The following NTF3 variants were observed in gnomAD, a reference collection of about 807,000 sequenced individuals.
NTF3 encodes neurotrophin-3.
Under a neutral mutation model 26.3 loss-of-function variants are expected in NTF3, and 8 were observed. The observed-to-expected ratio is 0.30, with a 90% CI of 0.18 to 0.55. NTF3 has a LOEUF of 0.55. NTF3 is among the 20% of genes least tolerant of loss of function. The pLI is 0.93. For missense variants in NTF3, 276 were observed against 352.9 expected (o/e 0.78, Z 1.75); for synonymous variants, 154 against 145.5 (o/e 1.06, Z -0.42).
chr12:5,454,045 G>A (rs1332530714), intron 1 of NTF3, among the ~76,000 whole-genome samples: 2 of 152,142 alleles, frequency 1.3e-5, no homozygotes, highest in Non-Finnish European at 2.9e-5. Context: ...GAGTCTCCTG[G>A]GGCTGCCGTA....
At chr12:5,448,535 A>G (rs943107470) in intron 1 of NTF3, among the ~76,000 whole-genome samples, 1 of 152,230 alleles carries the variant, frequency 6.6e-6, no homozygotes, top group Non-Finnish European at 1.5e-5. Flanking sequence ...CTTCTAGCCA[A>G]TGAAAGTCCC....
chr12:5,475,898 GAGAA>G (rs144208778), intron 1 of NTF3, among the ~76,000 whole-genome samples: 1,795 of 139,154 alleles, frequency 0.013, 25 homozygotes, highest in African/African-American at 0.034. Flanking sequence ...GAAAGAAAAA[GAGAA>G]AGAAAGAAAG....
intron 1 of NTF3, among the ~76,000 whole-genome samples, chr12:5,467,538 A>T (rs531226300): frequency 6.6e-6 from 1 of 152,282 alleles, no homozygotes; most frequent in South Asian, 2.1e-4. Flanking sequence ...TCGTTGATTG[A>T]TTAAGGGTTA....
At chr12:5,470,963 C>T (rs1417981812) in intron 1 of NTF3, among the ~76,000 whole-genome samples, 1 of 151,350 alleles carries the variant, frequency 6.6e-6, no homozygotes, top group Non-Finnish European at 1.5e-5. Flanking sequence ...TTGTCAACAC[C>T]TGCTTTGAGC....
Position 5,456,619 on chromosome 12 carries a change from A to C in NTF3, c.18+24277A>C, listed in dbSNP as rs983473580. On this transcript the variant is annotated intron_variant, in intron 1 of 1. Transcript: ENST00000423158. The surrounding 1 kb of genome is among the most constrained non-coding windows in gnomAD (Gnocchi z 4.4). ...GGGGTCCTCTTCCACCCCCACCCCCACCCCCAGCCCCTGGAGCAGGTACTC... is the reference window on the plus strand; with the variant it reads ...GGGGTCCTCTTCCACCCCCACCCCCCCCCCCAGCCCCTGGAGCAGGTACTC... Among the ~76,000 whole-genome samples the C allele has an allele frequency of 6.7e-6, 1 of 150,068 alleles. No homozygotes were observed. The highest frequency in any genetic ancestry group is 1.5e-5 in the Non-Finnish European group (1 of 67,470).
chr12:5,470,457 C>T (rs1467025185), intron 1 of NTF3, among the ~76,000 whole-genome samples: 2 of 152,200 alleles, frequency 1.3e-5, no homozygotes, highest in Non-Finnish European at 2.9e-5. Context: ...AATCCTGTGT[C>T]GCAGTCTAAA....
rs1299672517 is a variant in NTF3 at position 5,493,723 on chromosome 12, G to A, written c.19-471G>A. On this transcript the variant is annotated intron_variant, in intron 1 of 1. Coordinates refer to ENST00000423158, the MANE Select transcript of NTF3 (RefSeq NM_001102654.2). ...CAGTCCTCAGCCTCAGTGTGTTCCA[G>A]GGGCTGCAGCTGGGGAGCAGTCGAA... Among the ~76,000 whole-genome samples, 3 of 152,164 alleles carry A rather than the reference G, an allele frequency of 2.0e-5. No individual in the cohort carries two copies. In the East Asian group the frequency reaches 5.8e-4, roughly 29 times the overall value.
At chr12:5,458,463 C>T (rs544522976) in intron 1 of NTF3, among the ~76,000 whole-genome samples, 1 of 152,200 alleles carries the variant, frequency 6.6e-6, no homozygotes, top group Admixed American at 6.5e-5. Context: ...AGGAACAATT[C>T]CCACTTGTTC....
chr12:5,494,116 A>G lies in NTF3; in HGVS notation c.19-78A>G. 1 of 1,430,674 alleles carries G rather than the reference A, an allele frequency of 7.0e-7. No homozygotes were observed. Among genetic ancestry groups the G allele is most frequent in the South Asian group, 1.3e-5 (1 of 79,502 alleles). 88.6% of individuals were successfully genotyped at this position (1,430,674 alleles called of 1,614,324 possible). ...CTCTCGTGCCCTCACAGGGCTACTCAGCCTCAGGTAGCTGGTGCCAGAATA... is the reference window on the plus strand; with the variant it reads ...CTCTCGTGCCCTCACAGGGCTACTCGGCCTCAGGTAGCTGGTGCCAGAATA... On this transcript the variant is annotated intron_variant, in intron 1 of 1. Transcript: ENST00000423158. This position sits in a 1 kb window ranked among gnomAD's most constrained non-coding sequence, Gnocchi z 8.3.
intron 1 of NTF3, among the ~76,000 whole-genome samples, chr12:5,485,165 G>A (rs548256920): frequency 2.6e-5 from 4 of 152,328 alleles, no homozygotes; most frequent in South Asian, 2.1e-4. Flanking sequence ...TCACCTAGAT[G>A]TGTTCTTCAG....
intron 1 of NTF3, among the ~76,000 whole-genome samples, chr12:5,480,961 T>C (rs901101457): frequency 9.2e-5 from 14 of 151,952 alleles, no homozygotes; most frequent in African/African-American, 3.1e-4. Flanking sequence ...TGTCCTCACA[T>C]GTTTCCAGTT....
chr12:5,462,104 C>T (rs901377372), intron 1 of NTF3, among the ~76,000 whole-genome samples: 1 of 152,208 alleles, frequency 6.6e-6, no homozygotes, highest in African/African-American at 2.4e-5. Context: ...ATTCTCACAT[C>T]TTTTCCTACA....
chr12:5,435,077 A>T (rs1940150551), intron 1 of NTF3, among the ~76,000 whole-genome samples: 1 of 152,152 alleles, frequency 6.6e-6, no homozygotes, highest in African/African-American at 2.4e-5. Context: ...ATGTACATTT[A>T]AGGGGAAAAG....
chr12:5,494,984 C>T lies in NTF3; in HGVS notation c.809C>T (p.Thr270Ile). The T allele has an allele frequency of 6.2e-7, 1 of 1,613,384 alleles. No individual in the cohort carries two copies. Residue 270 changes from threonine (T) to isoleucine (I), a missense_variant, in exon 2 of 2, where the codon ACA becomes ATA. Thr to Ile is a moderately conservative substitution (Grantham distance 89). Coordinates refer to ENST00000423158, the MANE Select transcript of NTF3 (RefSeq NM_001102654.2). This position sits in a 1 kb window ranked among gnomAD's most constrained non-coding sequence, Gnocchi z 8.3. ...GCCTTGTCGAGAAAAATCGGAAGAA[C>T]ATGAATTGGCATCTCTCCCCATATA... ...VCALSRKIGRT is the reference protein window; with the variant it reads ...VCALSRKIGRI
At chr12:5,436,553 A>G (rs987853374) in intron 1 of NTF3, among the ~76,000 whole-genome samples, 2 of 152,080 alleles carry the variant, frequency 1.3e-5, no homozygotes, top group Admixed American at 6.5e-5. Context: ...AGGAAAGTTC[A>G]CTCCTCTTTT....
chr12:5,480,829 G>A (rs1940783264), intron 1 of NTF3, among the ~76,000 whole-genome samples: 1 of 151,560 alleles, frequency 6.6e-6, no homozygotes, highest in Admixed American at 6.6e-5. Context: ...GGGGGAGGGG[G>A]AAGCCTTCAG....
intron 1 of NTF3, among the ~76,000 whole-genome samples, chr12:5,470,218 T>C (rs1940647752): frequency 6.6e-6 from 1 of 152,118 alleles, no homozygotes; most frequent in Non-Finnish European, 1.5e-5. Flanking sequence ...GCCACTGCGC[T>C]CGGCCTCCTG....
intron 1 of NTF3, among the ~76,000 whole-genome samples, chr12:5,462,078 C>G (rs1340425731): frequency 6.6e-6 from 1 of 152,188 alleles, no homozygotes; most frequent in African/African-American, 2.4e-5. Flanking sequence ...CAAATAAATA[C>G]AGCAACTGTG....
At chr12:5,462,605 A>G (rs1419269176) in intron 1 of NTF3, among the ~76,000 whole-genome samples, 9 of 152,340 alleles carry the variant, frequency 5.9e-5, no homozygotes, top group Admixed American at 5.9e-4. Context: ...CAGATATGGA[A>G]CAATAGTTAG....
Sources: gnomAD v4.1 joint callset for allele counts (sites outside exome capture counted in the v4.1 genomes callset) on GRCh38, gnomAD v4.1.1 for gene constraint, Gnocchi (gnomAD v3.1) non-coding constraint, MANE v1.5 for transcripts, NCBI Gene and HGNC (gene_info 2026-07-23, HGNC 2026-07-21) for gene names.